Variants in ADRA1B observed in about 807,000 individuals in gnomAD.
ADRA1B encodes the protein alpha-1B adrenergic receptor.
A neutral mutation model predicts 17.9 loss-of-function variants in ADRA1B; 17 were observed. The observed-to-expected ratio is 0.95, with a 90% CI of 0.65 to 1.42. ADRA1B has a LOEUF of 1.42. ADRA1B is among the 40% of genes most tolerant of loss of function. The pLI is 0.00. For missense variants in ADRA1B, 681 were observed against 722.1 expected, an observed-to-expected ratio of 0.94 and a Z score of 0.65; for synonymous variants, 366 against 327.6, an observed-to-expected ratio of 1.12 and a Z score of -1.27.
At chr5:159,873,481 T>G (rs996916219) in intron 1 of ADRA1B, among the ~76,000 whole-genome samples, 1 of 152,184 alleles carries the variant, frequency 6.6e-6, no homozygotes, top group African/African-American at 2.4e-5. Flanking sequence ...ACCCAATCAC[T>G]GATAAAGGCT....
At chr5:159,888,439 C>T (rs549028327) in intron 1 of ADRA1B, 3 of 152,016 alleles carry the variant, frequency 2.0e-5, no homozygotes, top group Non-Finnish European at 4.4e-5. Flanking sequence ...AACATGAAAC[C>T]TATTTGGAAT....
At chr5:159,942,832 G>A (rs945457070) in intron 1 of ADRA1B, among the ~76,000 whole-genome samples, 7 of 152,074 alleles carry the variant, frequency 4.6e-5, no homozygotes, top group African/African-American at 1.7e-4. Flanking sequence ...CCATAAAGTA[G>A]GGATACGAAA....
chr5:159,870,170 G>A (rs1300989848), intron 1 of ADRA1B: 2 of 152,218 alleles, frequency 1.3e-5, no homozygotes, highest in Non-Finnish European at 2.9e-5. Context: ...TAGACTCGGA[G>A]GTACAGGGAA....
chr5:159,882,807 C>T (rs149389751), intron 1 of ADRA1B, among the ~76,000 whole-genome samples: 228 of 152,100 alleles, frequency 1.5e-3, no homozygotes, highest in Admixed American at 3.4e-3. Context: ...GCAAAGGGAC[C>T]CTGTAACTGT....
intron 1 of ADRA1B, among the ~76,000 whole-genome samples, chr5:159,926,720 C>G (rs1167520738): frequency 6.6e-6 from 1 of 151,956 alleles, no homozygotes; most frequent in Non-Finnish European, 1.5e-5. Context: ...AACCCTGTCA[C>G]TACTAAAAAC....
chr5:159,973,402 A>G (rs1394194218), downstream of ADRA1B, among the ~76,000 whole-genome samples: 1 of 152,126 alleles, frequency 6.6e-6, no homozygotes, highest in East Asian at 1.9e-4. Flanking sequence ...ACCCAACCCC[A>G]GCTGGGGTTC....
At chr5:159,961,847 G>T (rs1452780071) in intron 1 of ADRA1B, among the ~76,000 whole-genome samples, 1 of 152,222 alleles carries the variant, frequency 6.6e-6, no homozygotes, top group Non-Finnish European at 1.5e-5. Flanking sequence ...TTGTAGACCA[G>T]ATAAATGATG....
intron 1 of ADRA1B, among the ~76,000 whole-genome samples, chr5:159,882,755 A>C (rs1186025242): frequency 1.4e-5 from 1 of 71,288 alleles, no homozygotes; most frequent in Non-Finnish European, 2.9e-5. Context: ...AAATTGCCAA[A>C]CTTGCTCCTG....
At chr5:159,882,943 G>A (rs1753878102) in intron 1 of ADRA1B, among the ~76,000 whole-genome samples, 2 of 152,140 alleles carry the variant, frequency 1.3e-5, no homozygotes, top group African/African-American at 4.8e-5. Context: ...AATAAATGAA[G>A]GCCAACCAAT....
chr5:159,924,136 A>G (rs1364815034), intron 1 of ADRA1B, among the ~76,000 whole-genome samples: 1 of 152,278 alleles, frequency 6.6e-6, no homozygotes, highest in Non-Finnish European at 1.5e-5. Flanking sequence ...TCAGAAAGTT[A>G]GGAAAATGCT....
At chr5:159,973,628 AC>A (rs1755927814), downstream of ADRA1B, among the ~76,000 whole-genome samples, 2 of 152,186 alleles carry the variant, frequency 1.3e-5, no homozygotes, top group Admixed American at 6.5e-5. Flanking sequence ...GGTCACAAGA[AC>A]CCTCCCAAGC....
intron 1 of ADRA1B, among the ~76,000 whole-genome samples, chr5:159,965,514 G>C (rs1755758213): frequency 6.6e-6 from 1 of 152,214 alleles, no homozygotes; most frequent in African/African-American, 2.4e-5. Context: ...CTGTTTGGCT[G>C]CCCAGGGGAA....
At chr5:159,900,034 C>T (rs1422036109) in intron 1 of ADRA1B, among the ~76,000 whole-genome samples, 1 of 152,178 alleles carries the variant, frequency 6.6e-6, no homozygotes, top group Non-Finnish European at 1.5e-5. Context: ...CCTTTATCAA[C>T]ACAGTAATTC....
the ADRA1B span, among the ~76,000 whole-genome samples, chr5:159,988,674 A>G: frequency 3.3e-5 from 5 of 152,178 alleles, no homozygotes; most frequent in East Asian, 9.6e-4. Flanking sequence ...AGTTAGGGAG[A>G]TAAAATTCAA....
At chr5:159,951,472 G>A (rs1001564819) in intron 1 of ADRA1B, 39 of 714,572 alleles carry the variant, frequency 5.5e-5, no homozygotes, top group Non-Finnish European at 7.2e-5. Flanking sequence ...ATCCAAATCC[G>A]TTGACTCCAG....
At chr5:159,908,172 G>A (rs1754186181) in intron 1 of ADRA1B, among the ~76,000 whole-genome samples, 1 of 152,142 alleles carries the variant, frequency 6.6e-6, no homozygotes, top group Non-Finnish European at 1.5e-5. Context: ...GCACATATTT[G>A]TGTTGTGCAC....
chr5:159,906,492 A>G (rs936119286), intron 1 of ADRA1B, among the ~76,000 whole-genome samples: 3 of 152,246 alleles, frequency 2.0e-5, no homozygotes, highest in African/African-American at 7.2e-5. Flanking sequence ...ACTTACAAAA[A>G]TATAAATTCC....
chr5:159,972,773 T>A lies in ADRA1B; in HGVS notation c.*281T>A, dbSNP rs1353317746. On this transcript the variant is annotated 3_prime_UTR_variant, in exon 2 of 2. Transcript: ENST00000306675. ...CTGTGTATATATAAACGAGTCCCTC[T>A]CTACTTGTATTTAACCGTGGGTGCA... Among the ~76,000 whole-genome samples the A allele has an allele frequency of 6.6e-6, 1 of 152,170 alleles. No individual in the cohort carries two copies. Among genetic ancestry groups the A allele is most frequent in the Non-Finnish European group, 1.5e-5 (1 of 68,040 alleles).
chr5:159,912,528 G>C (rs1754238727), upstream of ADRA1B, among the ~76,000 whole-genome samples: 1 of 152,192 alleles, frequency 6.6e-6, no homozygotes, highest in Non-Finnish European at 1.5e-5. Flanking sequence ...GCCTTACTAA[G>C]GAGCCTGGTC....
Sources: allele counts gnomAD v4.1 joint callset (sites outside exome capture counted in the v4.1 genomes callset), GRCh38; gene constraint gnomAD v4.1.1; transcripts MANE v1.5; gene names NCBI Gene and HGNC (gene_info 2026-07-23, HGNC 2026-07-21).